GSE1: variants seen among roughly 807,000 people sequenced by gnomAD.
GSE1 encodes genetic suppressor element 1.
A neutral mutation model predicts 112.6 loss-of-function variants in GSE1; 32 were observed. The ratio of observed to expected loss-of-function variants is 0.28; its 90% CI spans 0.21 to 0.38. The LOEUF (loss-of-function observed/expected upper bound fraction) is 0.38. GSE1 is among the 10% of genes least tolerant of loss of function. GSE1 has a pLI of 1.00. For synonymous variants in GSE1, 1,115 were observed against 735.6 expected, an observed-to-expected ratio of 1.52 and a Z score of -8.35; for missense variants, 2,348 against 1,699.2, an observed-to-expected ratio of 1.38 and a Z score of -6.71.
At chr16:85,277,004 G>A (rs1351085685) in intron 1 of GSE1, among the ~76,000 whole-genome samples, 1 of 152,186 alleles carries the variant, frequency 6.6e-6, no homozygotes, top group East Asian at 1.9e-4. Flanking sequence ...GGGACCCTGA[G>A]GGTTTCAGGT....
chr16:85,572,343 T>A (rs1439518135), intron 1 of GSE1, among the ~76,000 whole-genome samples: 1 of 83,116 alleles, frequency 1.2e-5, no homozygotes, highest in Non-Finnish European at 2.4e-5. Flanking sequence ...CACATACCCC[T>A]CCACACACAA....
chr16:85,652,420 C>A (rs886609958), intron 3 of GSE1, among the ~76,000 whole-genome samples: 2 of 152,236 alleles, frequency 1.3e-5, no homozygotes, highest in South Asian at 4.1e-4. Flanking sequence ...GTACCTCCCA[C>A]CCTCGAGACC....
At chr16:85,259,260 C>T (rs1039365834) in intron 1 of GSE1, among the ~76,000 whole-genome samples, 3 of 152,078 alleles carry the variant, frequency 2.0e-5, no homozygotes, top group Non-Finnish European at 2.9e-5. Flanking sequence ...GTGCAGCCCC[C>T]GTCCTGCCCT....
At chr16:85,301,335 AT>A (rs2045519101) in intron 1 of GSE1, among the ~76,000 whole-genome samples, 1 of 152,178 alleles carries the variant, frequency 6.6e-6, no homozygotes, top group Non-Finnish European at 1.5e-5. Flanking sequence ...TGTCGGATTC[AT>A]GGGGGTGATT....
At chr16:85,494,769 G>A (rs552145418) in intron 2 of GSE1, among the ~76,000 whole-genome samples, 4 of 152,316 alleles carry the variant, frequency 2.6e-5, no homozygotes, top group South Asian at 4.1e-4. Flanking sequence ...ATTAAATCTA[G>A]TGCAGACTCA....
intron 1 of GSE1, among the ~76,000 whole-genome samples, chr16:85,289,641 C>T (rs1054608939): frequency 2.6e-5 from 4 of 152,144 alleles, no homozygotes; most frequent in African/African-American, 7.2e-5. Flanking sequence ...GGCTTAGGGG[C>T]TTAGGGTAAG....
chr16:85,251,550 A>T (rs1004553342), intron 1 of GSE1, among the ~76,000 whole-genome samples: 1 of 152,316 alleles, frequency 6.6e-6, no homozygotes, highest in East Asian at 1.9e-4. Context: ...CCCAGAAACC[A>T]GACAGGGCTG....
intron 2 of GSE1, among the ~76,000 whole-genome samples, chr16:85,429,368 A>C (rs574076290): frequency 6.6e-6 from 1 of 152,224 alleles, no homozygotes; most frequent in Admixed American, 6.5e-5. Flanking sequence ...GAGCTTCTCC[A>C]TGCAGGAGTT....
chr16:85,265,286 C>A (rs987887361), intron 1 of GSE1, among the ~76,000 whole-genome samples: 1 of 152,204 alleles, frequency 6.6e-6, no homozygotes, highest in Non-Finnish European at 1.5e-5. Flanking sequence ...TGACTGCCTG[C>A]CTGCAAGCCA....
chr16:85,656,323 A>G lies in GSE1; in HGVS notation c.990-20A>G, dbSNP rs1483947985. 1.1e-5 allele frequency: 17 copies of G among 1,607,606 alleles called. No individual in the cohort carries two copies. Among genetic ancestry groups the G allele is most frequent in the Admixed American group, 3.4e-5 (2 of 59,514 alleles). On this transcript the variant is annotated intron_variant, in intron 6 of 15. Coordinates refer to ENST00000253458, the MANE Select transcript of GSE1 (RefSeq NM_014615.5). ...TGTTCCTGGTGCAGCAGAGCCCCCA[A>G]CTCTTTCCATGTGCTGCAGGCTGCA...
At position 85,666,243 on chromosome 16, in the gene GSE1, A is replaced by T; in HGVS notation, c.3026A>T (p.Asn1009Ile). 3.7e-6 allele frequency: 6 copies of T among 1,613,840 alleles called. No individual in the cohort carries two copies. The highest frequency in any genetic ancestry group is 5.1e-6 in the Non-Finnish European group (6 of 1,180,028). Residue 1009 changes from asparagine (N) to isoleucine (I), a missense_variant, in exon 13 of 16, where the codon AAT becomes ATT. Coordinates refer to ENST00000253458, the MANE Select transcript of GSE1 (RefSeq NM_014615.5). ...CCTGTGCCGCTGTCCCACAGCACCA[A>T]TGGGAAGAGCAAGCCGTGGGAGCCC... Reference protein sequence around the residue: ...DIPVPLSHSTNGKSKPWEPFV... With the variant: ...DIPVPLSHSTIGKSKPWEPFV...
chr16:85,248,950 G>A (rs889677387), intron 1 of GSE1, among the ~76,000 whole-genome samples: 8 of 152,174 alleles, frequency 5.3e-5, no homozygotes, highest in African/African-American at 1.2e-4. Flanking sequence ...CTTCCGGGGC[G>A]TTATATGACT....
chr16:85,668,023 C>G, intron 13 of GSE1, 117 bp from the exon 14 acceptor site: 1 of 759,734 alleles, frequency 1.3e-6, no homozygotes, highest in Non-Finnish European at 2.2e-6. Flanking sequence ...CATCTTGGTC[C>G]CCGGAGCCCT....
chr16:85,613,137 G>C, upstream of GSE1: 2 of 1,193,306 alleles, frequency 1.7e-6, no homozygotes, highest in Non-Finnish European at 2.2e-6. Context: ...GCTGAAACCC[G>C]ACACCTCCCG....
At chr16:85,245,920 T>G (rs565852923) in intron 1 of GSE1, among the ~76,000 whole-genome samples, 80 of 150,224 alleles carry the variant, frequency 5.3e-4, no homozygotes, top group African/African-American at 1.9e-3. Context: ...TACGTGTGTG[T>G]GGGGAGGTGT....
At chr16:85,617,418 T>C (rs2048437214) in intron 1 of GSE1, among the ~76,000 whole-genome samples, 1 of 152,092 alleles carries the variant, frequency 6.6e-6, no homozygotes, top group Admixed American at 6.5e-5. Flanking sequence ...CCTTGTGACT[T>C]GGGGGTTTCT....
chr16:85,198,879 A>G (rs1176452964), intron 1 of GSE1, among the ~76,000 whole-genome samples: 2 of 152,004 alleles, frequency 1.3e-5, no homozygotes, highest in Admixed American at 1.3e-4. Context: ...CCTGGGCTCA[A>G]GCGATCCTCC....
intron 1 of GSE1, among the ~76,000 whole-genome samples, chr16:85,303,405 T>A (rs576666589): frequency 6.6e-6 from 1 of 152,204 alleles, no homozygotes; most frequent in African/African-American, 2.4e-5. Flanking sequence ...TTCCCACCTG[T>A]CGGTCTGACG....
chr16:85,191,715 C>T (rs964877586), intron 1 of GSE1, among the ~76,000 whole-genome samples: 38 of 152,150 alleles, frequency 2.5e-4, no homozygotes, highest in Admixed American at 2.6e-4. Flanking sequence ...TGATGGGCTC[C>T]GAGTAGAGGC....
Sources: gnomAD v4.1 joint callset for allele counts (sites outside exome capture counted in the v4.1 genomes callset) on GRCh38, gnomAD v4.1.1 for gene constraint, MANE v1.5 for transcripts, NCBI Gene and HGNC (gene_info 2026-07-23, HGNC 2026-07-21) for gene names.